Variants in OPCML observed in about 807,000 individuals in gnomAD.
OPCML encodes the protein opioid-binding protein/cell adhesion molecule.
A neutral mutation model predicts 37.8 loss-of-function variants in OPCML; 13 were observed. That is an observed-to-expected ratio of 0.34 (90% CI 0.22 to 0.55). The LOEUF is 0.55. OPCML is among the 20% of genes least tolerant of loss of function. The pLI is 0.91. For synonymous variants in OPCML, 176 were observed against 168.8 expected, an observed-to-expected ratio of 1.04 and a Z score of -0.33; for missense variants, 341 against 435.6, an observed-to-expected ratio of 0.78 and a Z score of 1.93.
chr11:132,631,731 G>A lies in OPCML; in HGVS notation c.379+25356C>T, dbSNP rs1013189870. ...TATATTCACATTTAACTCTGTTTAC[G>A]TTTTTGAAAACTTACCCTATGATCA... On this transcript the variant is annotated intron_variant, in intron 3 of 7. Coordinates refer to ENST00000524381, the MANE Select transcript of OPCML (RefSeq NM_001012393.5). Among the ~76,000 whole-genome samples the A allele has an allele frequency of 2.0e-5, 3 of 151,620 alleles. 1 individual carries two copies. The highest frequency in any genetic ancestry group is 1.3e-4 in the Admixed American group (2 of 15,226).
At chr11:133,516,271 A>G (rs1948269738) in intron 1 of OPCML, among the ~76,000 whole-genome samples, 1 of 152,138 alleles carries the variant, frequency 6.6e-6, no homozygotes. Context: ...CCACCAGCAG[A>G]CCTGACTTGA....
chr11:132,943,708 T>TGGCCGTCCTCTGCAGCCCGGTCGGC lies in OPCML; in HGVS notation c.62-723_62-699dup, dbSNP rs1945663799. ...GGCGCAGCCAGGGTCGTCCGGTCGGTGGCCGTCCTCTGCAGCCCGGTCGGC... is the reference window on the plus strand; with the variant it reads ...GGCGCAGCCAGGGTCGTCCGGTCGGTGGCCGTCCTCTGCAGCCCGGTCGGCGGCCGTCCTCTGCAGCCCGGTCGGC... On this transcript the variant is annotated intron_variant, in intron 1 of 7. Coordinates refer to ENST00000524381, the MANE Select transcript of OPCML (RefSeq NM_001012393.5). This position sits in a 1 kb window ranked among gnomAD's most constrained non-coding sequence, Gnocchi z 4.3. 6.6e-6 allele frequency: 1 copy of TGGCCGTCCTCTGCAGCCCGGTCGGC among 151,650 alleles called. No individual in the cohort carries two copies. The highest frequency in any genetic ancestry group is 1.5e-5 in the Non-Finnish European group (1 of 67,936). 9.4% of individuals were successfully genotyped at this position (151,650 alleles called of 1,614,324 possible). A position where few individuals can be genotyped will look rare whatever the true frequency, so the allele number is the denominator to read the frequency against.
chr11:133,143,882 C>T (rs955264128), intron 1 of OPCML, among the ~76,000 whole-genome samples: 6 of 152,230 alleles, frequency 3.9e-5, no homozygotes, highest in Non-Finnish European at 8.8e-5. Flanking sequence ...AACCACATTG[C>T]TCTTTCTAAG....
At chr11:132,593,268 G>A (rs2096487444) in intron 3 of OPCML, among the ~76,000 whole-genome samples, 1 of 152,128 alleles carries the variant, frequency 6.6e-6, no homozygotes, top group African/African-American at 2.4e-5. Context: ...GGATGTCGGT[G>A]TGGCTGGGAA....
chr11:133,177,811 A>G lies in OPCML; in HGVS notation c.62-234801T>C, dbSNP rs1332639215. Among the ~76,000 whole-genome samples the G allele has an allele frequency of 6.6e-6, 1 of 152,206 alleles. No homozygotes were observed. The highest frequency in any genetic ancestry group is 1.5e-5 in the Non-Finnish European group (1 of 68,038). On this transcript the variant is annotated intron_variant, in intron 1 of 7. Transcript: ENST00000524381. The surrounding 1 kb of genome is among the most constrained non-coding windows in gnomAD (Gnocchi z 5.0). Reference sequence around the variant, plus strand: ...TGGCTCCAAAATTTGATATCAAAGCATCAAATTAAACATTCAAGATCACTT... The same window carrying G: ...TGGCTCCAAAATTTGATATCAAAGCGTCAAATTAAACATTCAAGATCACTT...
intron 4 of OPCML, among the ~76,000 whole-genome samples, chr11:132,490,593 C>T (rs1207834012): frequency 6.6e-6 from 1 of 151,882 alleles, no homozygotes; most frequent in Non-Finnish European, 1.5e-5. Flanking sequence ...CCGAGGCGGG[C>T]GGATCGTGAG....
At chr11:132,948,477 C>A (rs1015569395) in intron 1 of OPCML, among the ~76,000 whole-genome samples, 2 of 152,122 alleles carry the variant, frequency 1.3e-5, no homozygotes, top group South Asian at 4.2e-4. Context: ...AGGGCAAGGG[C>A]AATATTGATT....
chr11:133,253,361 G>A (rs1941206030), intron 1 of OPCML, among the ~76,000 whole-genome samples: 2 of 152,066 alleles, frequency 1.3e-5, no homozygotes, highest in African/African-American at 2.4e-5. Flanking sequence ...CCAGGCTGGA[G>A]TGCAGTGGTG....
rs140941640 is a variant in OPCML at position 133,266,628 on chromosome 11, T to TA, written c.61+265635dup. Among the ~76,000 whole-genome samples, 1,006 of 152,306 alleles carry TA rather than the reference T, an allele frequency of 6.6e-3. 14 individuals are homozygous for TA. Among genetic ancestry groups the TA allele is most frequent in the African/African-American group, 0.023 (965 of 41,562 alleles). On this transcript the variant is annotated intron_variant, in intron 1 of 7. Coordinates refer to ENST00000524381, the MANE Select transcript of OPCML (RefSeq NM_001012393.5). ...TATCTGGCATGTATTAGGATCTCAA[T>TA]AAATATGTATTGAATGACTAGTTGG...
intron 1 of OPCML, among the ~76,000 whole-genome samples, chr11:133,075,767 C>A (rs1948611935): frequency 6.6e-6 from 1 of 152,200 alleles, no homozygotes; most frequent in Non-Finnish European, 1.5e-5. Flanking sequence ...GAGCTGCACA[C>A]AGAGAGCAGG....
At chr11:133,167,302 T>G (rs2137232593) in intron 1 of OPCML, among the ~76,000 whole-genome samples, 1 of 152,258 alleles carries the variant, frequency 6.6e-6, no homozygotes, top group African/African-American at 2.4e-5. Flanking sequence ...ATACCCAGGT[T>G]GCAGAATTTC....
At chr11:133,433,953 T>G (rs1400300201) in intron 1 of OPCML, among the ~76,000 whole-genome samples, 1 of 152,200 alleles carries the variant, frequency 6.6e-6, no homozygotes, top group Non-Finnish European at 1.5e-5. Flanking sequence ...CTTTCTGAAG[T>G]AATATTGTTT....
chr11:133,451,695 T>C lies in OPCML; in HGVS notation c.61+80569A>G, dbSNP rs189274221. Among the ~76,000 whole-genome samples, 439 of 151,282 alleles carry C rather than the reference T, an allele frequency of 2.9e-3. 4 individuals carry two copies. The highest frequency in any genetic ancestry group is 7.5e-3 in the South Asian group (36 of 4,812). Reference sequence around the variant, plus strand: ...CTGTCTCTACTAAAAATACAAAAATTCGCTGGGTGTGGTGGCGGGTGCCTG... The same window carrying C: ...CTGTCTCTACTAAAAATACAAAAATCCGCTGGGTGTGGTGGCGGGTGCCTG... On this transcript the variant is annotated intron_variant, in intron 1 of 7. Coordinates refer to ENST00000524381, the MANE Select transcript of OPCML (RefSeq NM_001012393.5).
intron 1 of OPCML, among the ~76,000 whole-genome samples, chr11:132,964,398 G>A (rs750727735): frequency 2.0e-5 from 3 of 152,178 alleles, no homozygotes; most frequent in Non-Finnish European, 4.4e-5. Context: ...TCCTTCAGAT[G>A]TGGGTTCAAA....
At chr11:132,988,597 G>A (rs954287383) in intron 1 of OPCML, among the ~76,000 whole-genome samples, 6 of 152,080 alleles carry the variant, frequency 3.9e-5, no homozygotes, top group South Asian at 2.1e-4. Flanking sequence ...GGTCTCCCTC[G>A]CCCTGTTTGT....
chr11:133,417,121 A>G (rs1945785630), intron 1 of OPCML, among the ~76,000 whole-genome samples: 2 of 152,206 alleles, frequency 1.3e-5, no homozygotes, highest in African/African-American at 4.8e-5. Flanking sequence ...GTTCATCTAC[A>G]TCCTCTGTAA....
At chr11:132,998,930 G>A (rs558945302) in intron 1 of OPCML, among the ~76,000 whole-genome samples, 1 of 152,244 alleles carries the variant, frequency 6.6e-6, no homozygotes, top group East Asian at 1.9e-4. Flanking sequence ...ATGGTATTTT[G>A]TTATAACAAC....
intron 1 of OPCML, among the ~76,000 whole-genome samples, chr11:133,028,553 G>A (rs2136918727): frequency 7.0e-6 from 1 of 142,840 alleles, no homozygotes; most frequent in African/African-American, 2.5e-5. Flanking sequence ...GTGTGTGTGT[G>A]TACATGTGAG....
chr11:132,896,802 A>T (rs894003975), intron 2 of OPCML, among the ~76,000 whole-genome samples: 2 of 152,238 alleles, frequency 1.3e-5, no homozygotes, highest in South Asian at 2.1e-4. Flanking sequence ...AGCACGGGAG[A>T]TAATCCAATT....
Sources: gnomAD v4.1 joint callset for allele counts (sites outside exome capture counted in the v4.1 genomes callset) on GRCh38, gnomAD v4.1.1 for gene constraint, Gnocchi (gnomAD v3.1) non-coding constraint, MANE v1.5 for transcripts, NCBI Gene and HGNC (gene_info 2026-07-23, HGNC 2026-07-21) for gene names.